PDE12: variants seen among roughly 807,000 people sequenced by gnomAD.
PDE12 encodes the protein phosphodiesterase 12.
PDE12 carries 26 observed loss-of-function variants against 45.4 expected under a neutral mutation model. That is an observed-to-expected ratio of 0.57 (90% confidence interval 0.42 to 0.79). The LOEUF (loss-of-function observed/expected upper bound fraction) is 0.79. PDE12 is among the 30% of genes least tolerant of loss of function. The probability of loss-of-function intolerance (pLI) is 0.00; values close to 1 mark genes in which losing one functional copy is unlikely to be tolerated. For synonymous variants in PDE12, 283 were observed against 323.9 expected (o/e 0.87, Z 1.36); for missense variants, 668 against 790.0 (o/e 0.85, Z 1.85).
chr3:57,607,518 G>C, the PDE12 span, among the ~76,000 whole-genome samples: 6 of 152,226 alleles, frequency 3.9e-5, no homozygotes, highest in South Asian at 1.2e-3. Flanking sequence ...TGGCTAACTA[G>C]AATAACCAGT....
At chr3:57,651,552 T>C in the PDE12 span, among the ~76,000 whole-genome samples, 3 of 152,112 alleles carry the variant, frequency 2.0e-5, no homozygotes, top group African/African-American at 7.2e-5. Context: ...GGGTTATGTT[T>C]TGAGGTGATG....
Position 57,560,445 on chromosome 3 carries a change from C to A in PDE12, c.*441C>A. The A allele has an allele frequency of 2.2e-6, 1 of 459,642 alleles. No individual in the cohort carries two copies. Among genetic ancestry groups the A allele is most frequent in the Non-Finnish European group, 2.9e-6 (1 of 347,812 alleles). The allele number at this position is 459,642 out of a possible 1,614,324, so 28.5% of individuals were successfully genotyped here. On this transcript the variant is annotated 3_prime_UTR_variant, in exon 3 of 3. Transcript: ENST00000311180. ...GGTTTAAGCGATTCTCCTGCCTCAGCTTCCCGAGTAGCTGGGATTACAGGC... is the reference window on the plus strand; with the variant it reads ...GGTTTAAGCGATTCTCCTGCCTCAGATTCCCGAGTAGCTGGGATTACAGGC...
At chr3:57,603,494 C>T in the PDE12 span, among the ~76,000 whole-genome samples, 11 of 151,828 alleles carry the variant, frequency 7.2e-5, no homozygotes, top group East Asian at 9.7e-4. Context: ...TGAGCCACCA[C>T]GCCTGGCTAA....
At chr3:57,582,705 G>C in the PDE12 span, among the ~76,000 whole-genome samples, 4 of 147,312 alleles carry the variant, frequency 2.7e-5, no homozygotes, top group African/African-American at 2.4e-5. Context: ...AGATGACATT[G>C]CAAGTCTTAA....
At chr3:57,634,661 G>A in the PDE12 span, 4 of 1,491,084 alleles carry the variant, frequency 2.7e-6, no homozygotes, top group Non-Finnish European at 2.7e-6. Flanking sequence ...AAAAACCCAA[G>A]TACCATATAA....
chr3:57,567,471 T>A (rs2069796354), downstream of PDE12, among the ~76,000 whole-genome samples: 1 of 152,198 alleles, frequency 6.6e-6, no homozygotes, highest in Non-Finnish European at 1.5e-5. Context: ...TGTGTCTAGA[T>A]AAGCACTTCT....
At chr3:57,645,405 G>A in the PDE12 span, among the ~76,000 whole-genome samples, 1 of 152,112 alleles carries the variant, frequency 6.6e-6, no homozygotes, top group Admixed American at 6.5e-5. Flanking sequence ...AGGTTGCAGT[G>A]AGCCGAGATC....
the PDE12 span, among the ~76,000 whole-genome samples, chr3:57,640,934 A>G: frequency 6.6e-6 from 1 of 151,984 alleles, no homozygotes; most frequent in African/African-American, 2.4e-5. Context: ...TACCATGAAC[A>G]AGGTACTGTA....
downstream of PDE12, among the ~76,000 whole-genome samples, chr3:57,569,829 CAAA>C (rs11310053): frequency 1.8e-4 from 12 of 67,868 alleles, no homozygotes; most frequent in Non-Finnish European, 2.9e-4. Context: ...AAAACCATCT[CAAA>C]AAAAAAAAAA....
In PDE12 at chr3:57,557,172, G is replaced by C. The variant is rs776174321; in HGVS notation, c.793G>C (p.Glu265Gln). 2.5e-6 allele frequency: 4 copies of C among 1,613,962 alleles called. No individual in the cohort carries two copies. The highest frequency in any genetic ancestry group is 1.3e-5 in the African/African-American group (1 of 74,904). Residue 265 changes from glutamate (E) to glutamine (Q), a missense_variant, in exon 1 of 3, where the codon GAA (glutamate) becomes CAA (glutamine). This residue lies in a region of PDE12 where 580 missense variants were observed against 662.9 expected (regional missense o/e 0.87). Coordinates refer to ENST00000311180, the MANE Select transcript of PDE12 (RefSeq NM_177966.7). Reference sequence around the variant, plus strand: ...GCGCTTTGGGCACAGCCGGGAGTTGGAAAGTGTGTGTGTGGTAGAGGCTGG... The same window carrying C: ...GCGCTTTGGGCACAGCCGGGAGTTGCAAAGTGTGTGTGTGGTAGAGGCTGG... ...GQRFGHSREL[E>Q]SVCVVEAGPG...
the PDE12 span, among the ~76,000 whole-genome samples, chr3:57,651,018 AGATGATCTG>A: frequency 6.6e-5 from 10 of 152,190 alleles, no homozygotes; most frequent in Admixed American, 6.5e-4. Context: ...TCCCGATCTC[AGATGATCTG>A]ACCACCTTGG....
chr3:57,648,465 C>A, the PDE12 span, among the ~76,000 whole-genome samples: 4 of 152,034 alleles, frequency 2.6e-5, no homozygotes, highest in Non-Finnish European at 5.9e-5. Flanking sequence ...CCATCAATGC[C>A]CTCCTTACAC....
chr3:57,560,175 ATCT>A lies in PDE12; in HGVS notation c.*175_*177del, dbSNP rs1434682882. ...GAAACTGTTGATGTTTGCATCATAC[ATCT>A]TCTCTTTCCTTGTTTTCCTCTACAA... is the stretch of plus-strand genomic sequence containing the variant. On this transcript the variant is annotated 3_prime_UTR_variant, in exon 3 of 3. Transcript: ENST00000311180. 1 of 1,343,842 alleles carries A rather than the reference ATCT, an allele frequency of 7.4e-7. No individual in the cohort carries two copies. The highest frequency in any genetic ancestry group is 9.5e-7 in the Non-Finnish European group (1 of 1,052,064). The allele number at this position is 1,343,842 out of a possible 1,614,324, so 83.2% of individuals were successfully genotyped here.
the PDE12 span, among the ~76,000 whole-genome samples, chr3:57,587,319 C>CAAAAAAAAAAAAAAAA: frequency 2.2e-5 from 1 of 45,408 alleles, no homozygotes; most frequent in Non-Finnish European, 4.7e-5. Context: ...AACTCAGTCT[C>CAAAAAAAAAAAAAAAA]AAAAAAAAAA....
chr3:57,621,799 A>T, the PDE12 span, among the ~76,000 whole-genome samples: 1 of 152,084 alleles, frequency 6.6e-6, no homozygotes, highest in Non-Finnish European at 1.5e-5. Flanking sequence ...CACTTTAAAA[A>T]ATGAAAAAAA....
chr3:57,571,343 C>T (rs1411209219), downstream of PDE12: 1 of 152,446 alleles, frequency 6.6e-6, no homozygotes, highest in East Asian at 1.9e-4. Flanking sequence ...ACCTTCAAAA[C>T]TCAAAAAGAA....
chr3:57,577,362 T>C, the PDE12 span: 1 of 1,613,368 alleles, frequency 6.2e-7, no homozygotes, highest in Non-Finnish European at 8.5e-7. Context: ...TTCACGATCG[T>C]TGCTATCTAC....
chr3:57,581,531 T>C, the PDE12 span, among the ~76,000 whole-genome samples: 1 of 152,212 alleles, frequency 6.6e-6, no homozygotes, highest in Non-Finnish European at 1.5e-5. Context: ...CCAAGCGCAG[T>C]AGCTCATGCC....
the PDE12 span, among the ~76,000 whole-genome samples, chr3:57,581,610 G>A: frequency 6.6e-6 from 1 of 152,182 alleles, no homozygotes; most frequent in East Asian, 1.9e-4. Flanking sequence ...AGACCAGCCT[G>A]GCTAACATGG....
Sources: allele counts gnomAD v4.1 joint callset (sites outside exome capture counted in the v4.1 genomes callset), GRCh38; gene constraint gnomAD v4.1.1; regional missense constraint gnomAD v4.1.1; transcripts MANE v1.5; gene names NCBI Gene and HGNC (gene_info 2026-07-23, HGNC 2026-07-21).